EEF1AKMT1: variants seen among roughly 807,000 people sequenced by gnomAD.
EEF1AKMT1 encodes N-6 adenine-specific DNA methyltransferase 2 (putative).
A neutral mutation model predicts 21.0 loss-of-function variants in EEF1AKMT1; 18 were observed. That is an observed-to-expected ratio of 0.86 (90% CI 0.59 to 1.27). The LOEUF is 1.27. Among genes scored for constraint, EEF1AKMT1 ranks in the 50% most tolerant of loss-of-function variants. The pLI is 0.00. For missense variants in EEF1AKMT1, 246 were observed against 258.6 expected, an observed-to-expected ratio of 0.95 and a Z score of 0.33; for synonymous variants, 109 against 94.8, an observed-to-expected ratio of 1.15 and a Z score of -0.87.
At chr13:20,738,846 G>A (rs1271772752) in intron 2 of EEF1AKMT1, among the ~76,000 whole-genome samples, 4 of 152,212 alleles carry the variant, frequency 2.6e-5, no homozygotes, top group African/African-American at 9.7e-5. Context: ...GGAGGTGACA[G>A]CTGAAAAACA....
At chr13:20,739,334 G>A (rs147455207) in intron 2 of EEF1AKMT1, among the ~76,000 whole-genome samples, 80 of 152,282 alleles carry the variant, frequency 5.3e-4, no homozygotes, top group African/African-American at 1.6e-3. Flanking sequence ...CAGCATGGAA[G>A]GCAACCCAAG....
At position 20,729,205 on chromosome 13, in the gene EEF1AKMT1, C is replaced by T; in HGVS notation, c.520G>A (p.Glu174Lys). 6.2e-7 allele frequency: 1 copy of T among 1,614,132 alleles called. No individual in the cohort carries two copies. Among genetic ancestry groups the T allele is most frequent in the Non-Finnish European group, 8.5e-7 (1 of 1,180,022 alleles). Residue 174 changes from glutamate (E) to lysine (K), a missense_variant, in exon 5 of 5, where the codon GAA becomes AAA. By Grantham distance (56) the Glu-to-Lys change is moderately conservative. Transcript: ENST00000382758. ...CCAAGGAGTTCTGCTGCCTGTTCTT[C>T]CATGATGGCACCTGAAGAGAACAAA... ...KILLCTGAIMEEQAAELLGVK... is the reference protein window; with the variant it reads ...KILLCTGAIMKEQAAELLGVK...
chr13:20,753,417 A>G (rs1305472925), intron 2 of EEF1AKMT1, among the ~76,000 whole-genome samples: 3 of 152,170 alleles, frequency 2.0e-5, no homozygotes, highest in African/African-American at 7.2e-5. Context: ...TAGCTGTTGG[A>G]TGCTATGTTC....
At chr13:20,765,774 T>A (rs957268898) in intron 1 of EEF1AKMT1, among the ~76,000 whole-genome samples, 1 of 152,086 alleles carries the variant, frequency 6.6e-6, no homozygotes, top group African/African-American at 2.4e-5. Flanking sequence ...TGAATTTTTT[T>A]TTTTTTAGAA....
intron 2 of EEF1AKMT1, among the ~76,000 whole-genome samples, chr13:20,752,317 T>A (rs993919074): frequency 6.6e-6 from 1 of 152,186 alleles, no homozygotes; most frequent in South Asian, 2.1e-4. Flanking sequence ...ATGAGGTATG[T>A]TCCTTTATGC....
At chr13:20,733,978 C>T (rs1390690891) in intron 3 of EEF1AKMT1, among the ~76,000 whole-genome samples, 1 of 152,190 alleles carries the variant, frequency 6.6e-6, no homozygotes, top group Admixed American at 6.5e-5. Context: ...CCCGTGACAT[C>T]GCATAATGTT....
At chr13:20,749,117 T>C (rs1020188414) in intron 2 of EEF1AKMT1, among the ~76,000 whole-genome samples, 2 of 152,234 alleles carry the variant, frequency 1.3e-5, no homozygotes, top group African/African-American at 4.8e-5. Flanking sequence ...TAATTGCTTT[T>C]CCTTTCAGTA....
chr13:20,772,209 G>T (rs1017309920), intron 1 of EEF1AKMT1, among the ~76,000 whole-genome samples: 1 of 151,674 alleles, frequency 6.6e-6, no homozygotes, highest in Admixed American at 6.6e-5. Flanking sequence ...TCTATGGCTG[G>T]CCCTGCCCCA....
intron 2 of EEF1AKMT1, among the ~76,000 whole-genome samples, chr13:20,745,044 A>G (rs2058895126): frequency 1.3e-5 from 2 of 152,146 alleles, no homozygotes; most frequent in Non-Finnish European, 2.9e-5. Flanking sequence ...ATTGGTCTAT[A>G]TATCTGTTTT....
At chr13:20,755,308 C>T (rs2058966121) in intron 2 of EEF1AKMT1, among the ~76,000 whole-genome samples, 1 of 152,132 alleles carries the variant, frequency 6.6e-6, no homozygotes, top group African/African-American at 2.4e-5. Flanking sequence ...TGGCAGGATG[C>T]AGTCTTGTGG....
rs768141703 is a variant in EEF1AKMT1 at position 20,737,771 on chromosome 13, G to T, written c.179C>A (p.Ala60Asp). 4 of 1,612,992 alleles carry T rather than the reference G, an allele frequency of 2.5e-6. No homozygotes were observed. In the East Asian group the frequency reaches 8.9e-5, roughly 36 times the overall value. ...AATTGCCTCCTGTGCCAGCTGCAGA[G>T]CAGTTTCCTGACTATACCAAAACTG... ...LSQFWYSQET[A>D]LQLAQEAIAA... The change falls in exon 3 of 5, where the codon GCT becomes GAT. Residue 60 changes from alanine to aspartate, a missense_variant. Coordinates refer to ENST00000382758, the MANE Select transcript of EEF1AKMT1 (RefSeq NM_001318939.2).
At chr13:20,773,459 G>A (rs566837045) in intron 1 of EEF1AKMT1, among the ~76,000 whole-genome samples, 154 of 152,350 alleles carry the variant, frequency 1.0e-3, no homozygotes, top group Non-Finnish European at 1.5e-3. Flanking sequence ...CAGGCGCCGC[G>A]GGTGCCCGCC....
chr13:20,741,363 T>C (rs1390557888), intron 2 of EEF1AKMT1, among the ~76,000 whole-genome samples: 1 of 152,128 alleles, frequency 6.6e-6, no homozygotes, highest in Non-Finnish European at 1.5e-5. Flanking sequence ...ATAGACCATC[T>C]TACACCCACT....
chr13:20,768,457 G>C lies in EEF1AKMT1; in HGVS notation c.-20+5464C>G, dbSNP rs142192674. Among the ~76,000 whole-genome samples the C allele has an allele frequency of 1.8e-4, 27 of 152,256 alleles. No homozygotes were observed. In the East Asian group the frequency reaches 5.0e-3, roughly 28 times the overall value. On this transcript the variant is annotated intron_variant, in intron 1 of 4. Coordinates refer to ENST00000382758, the MANE Select transcript of EEF1AKMT1 (RefSeq NM_001318939.2). ...CTATTCTTGGTCTTGAATGAGTCAG[G>C]TATTGTTCCTTCAAATCTTTTCAGA...
At chr13:20,753,286 A>T (rs149820229) in intron 2 of EEF1AKMT1, among the ~76,000 whole-genome samples, 292 of 152,192 alleles carry the variant, frequency 1.9e-3, no homozygotes, top group African/African-American at 6.2e-3. Flanking sequence ...TTGTGTTATG[A>T]CCTGAGAAGA....
At chr13:20,767,214 G>A (rs1595032273) in intron 1 of EEF1AKMT1, among the ~76,000 whole-genome samples, 1 of 145,758 alleles carries the variant, frequency 6.9e-6, no homozygotes, top group Admixed American at 7.2e-5. Context: ...GCTGAGGCAG[G>A]AGAATGGCAT....
At chr13:20,768,657 T>C (rs2059048249) in intron 1 of EEF1AKMT1, among the ~76,000 whole-genome samples, 1 of 152,078 alleles carries the variant, frequency 6.6e-6, no homozygotes. Flanking sequence ...CTTCTTCCAA[T>C]GTGGCCCAGG....
intron 1 of EEF1AKMT1, among the ~76,000 whole-genome samples, chr13:20,765,693 G>A (rs1253042323): frequency 6.6e-6 from 1 of 151,942 alleles, no homozygotes; most frequent in Admixed American, 6.5e-5. Flanking sequence ...TTACAGGCAT[G>A]AGCCACTGCG....
In EEF1AKMT1 at chr13:20,772,857, C is replaced by T. The variant is rs1595035024; in HGVS notation, c.-20+1064G>A. On this transcript the variant is annotated intron_variant, in intron 1 of 4. Transcript: ENST00000382758. ...TTATCAAATTTACTTAGGGCAAAAC[C>T]ACCATACTGTAATTTCAACATTCAT... Among the ~76,000 whole-genome samples, 3 of 152,210 alleles carry T rather than the reference C, an allele frequency of 2.0e-5. No homozygotes were observed. The East Asian group carries it at 5.8e-4, about 29-fold the overall frequency.
Sources: gnomAD v4.1 joint callset for allele counts (sites outside exome capture counted in the v4.1 genomes callset) on GRCh38, gnomAD v4.1.1 for gene constraint, MANE v1.5 for transcripts, NCBI Gene and HGNC (gene_info 2026-07-23, HGNC 2026-07-21) for gene names.